The following PTK2 variants were observed in gnomAD, a reference collection of about 807,000 sequenced individuals.
PTK2 encodes the protein focal adhesion kinase 1.
Under a neutral mutation model 150.1 loss-of-function variants are expected in PTK2, and 45 were observed. The observed-to-expected ratio is 0.30, with a 90% confidence interval of 0.24 to 0.38. The LOEUF is 0.38. Among genes scored for constraint, PTK2 ranks in the 10% least tolerant of loss-of-function variants. The pLI, the probability that PTK2 is intolerant of heterozygous loss-of-function variation, is 1.00. For missense variants in PTK2, 919 were observed against 1,307.3 expected (o/e 0.70, Z 4.58); for synonymous variants, 432 against 449.2 (o/e 0.96, Z 0.48).
intron 21 of PTK2, 129 bp from the exon 25 acceptor site, chr8:140,735,584 G>A: frequency 2.7e-6 from 2 of 746,500 alleles, no homozygotes; most frequent in East Asian, 2.6e-5. Flanking sequence ...ATCTACCAAA[G>A]CAGCATTATA....
At chr8:140,799,789 T>A (rs961429056) in intron 12 of PTK2, among the ~76,000 whole-genome samples, 2 of 152,204 alleles carry the variant, frequency 1.3e-5, no homozygotes, top group African/African-American at 4.8e-5. Flanking sequence ...TTATAGATGG[T>A]GTCACAGAGG....
At chr8:140,695,612 T>C (rs1238678848) in intron 26 of PTK2, among the ~76,000 whole-genome samples, 1 of 152,094 alleles carries the variant, frequency 6.6e-6, no homozygotes, top group East Asian at 1.9e-4. Flanking sequence ...GGTTTGGCCA[T>C]GTTGGTCTTG....
At chr8:140,717,170 C>G (rs1247201566) in intron 23 of PTK2, among the ~76,000 whole-genome samples, 1 of 152,154 alleles carries the variant, frequency 6.6e-6, no homozygotes, top group Non-Finnish European at 1.5e-5. Context: ...GCAGAGTTCT[C>G]AACAAACAAA....
intron 7 of PTK2, among the ~76,000 whole-genome samples, chr8:140,837,096 T>C (rs145463258): frequency 2.1e-4 from 32 of 152,192 alleles, no homozygotes; most frequent in Admixed American, 3.9e-4. Flanking sequence ...CTTAAAACAT[T>C]TGACCTCCTT....
At chr8:140,854,596 TAC>T in intron 5 of PTK2, among the ~76,000 whole-genome samples, 1 of 152,162 alleles carries the variant, frequency 6.6e-6, no homozygotes, top group East Asian at 1.9e-4. Context: ...TAACAGTGAA[TAC>T]TGTTATAACA....
chr8:140,910,894 T>C (rs1158358661), intron 2 of PTK2, among the ~76,000 whole-genome samples: 1 of 152,164 alleles, frequency 6.6e-6, no homozygotes, highest in East Asian at 1.9e-4. Context: ...ATAGGTTTGT[T>C]TGACACAGGG....
intron 3 of PTK2, among the ~76,000 whole-genome samples, chr8:140,884,113 G>A (rs1196135971): frequency 1.3e-5 from 2 of 152,078 alleles, no homozygotes; most frequent in African/African-American, 2.4e-5. Context: ...AAGGTCTGTA[G>A]CCTTCATCAC....
chr8:140,992,385 G>A (rs2100196074), intron 1 of PTK2, among the ~76,000 whole-genome samples: 1 of 151,922 alleles, frequency 6.6e-6, no homozygotes, highest in Non-Finnish European at 1.5e-5. Context: ...CAGGAGAATT[G>A]CTTGAACCCT....
intron 16 of PTK2, among the ~76,000 whole-genome samples, chr8:140,760,924 A>T (rs2154546932): frequency 6.6e-6 from 1 of 152,320 alleles, no homozygotes; most frequent in Non-Finnish European, 1.5e-5. Context: ...ACTGTTACTG[A>T]TGACAAAGGC....
At chr8:140,924,425 T>C (rs899388927) in intron 2 of PTK2, among the ~76,000 whole-genome samples, 3 of 152,184 alleles carry the variant, frequency 2.0e-5, no homozygotes, top group Admixed American at 6.5e-5. Context: ...GCAAGCTCCG[T>C]GACAGAAGGA....
intron 1 of PTK2, among the ~76,000 whole-genome samples, chr8:140,944,745 C>G (rs367946585): frequency 7.2e-5 from 11 of 152,218 alleles, no homozygotes; most frequent in African/African-American, 1.4e-4. Flanking sequence ...AGCGCACCCA[C>G]TGAACATAAC....
At chr8:140,734,159 A>G (rs1196610265) in intron 22 of PTK2, among the ~76,000 whole-genome samples, 2 of 152,188 alleles carry the variant, frequency 1.3e-5, no homozygotes, top group African/African-American at 4.8e-5. Flanking sequence ...AAAGGCCTGG[A>G]CCCTGCAGTT....
Position 140,744,782 on chromosome 8 carries a change from ACC to A in PTK2, c.1519-17_1519-16del. 2 of 1,284,584 alleles carry A rather than the reference ACC, an allele frequency of 1.6e-6. No homozygotes were observed. Among genetic ancestry groups the A allele is most frequent in the Non-Finnish European group, 2.2e-6 (2 of 917,658 alleles). The allele number at this position is 1,284,584 out of a possible 1,614,324, so 79.6% of individuals were successfully genotyped here. A position where few individuals can be genotyped will look rare whatever the true frequency, so the allele number is the denominator to read the frequency against. ...AATGACCTCAGCTTTTGGAACAATG[ACC>A]AAAAGAAAAAAAAAAAAAAAAGAAT... On this transcript the variant is annotated splice_polypyrimidine_tract_variant and intron_variant, in intron 18 of 31. Transcript: ENST00000522684.
intron 14 of PTK2, 63 bp downstream of exon 16, chr8:140,769,512 C>A: frequency 8.8e-7 from 1 of 1,136,858 alleles, no homozygotes; most frequent in South Asian, 1.3e-5. Context: ...AAATACTAAA[C>A]TATATTTATT....
chr8:140,886,808 C>T (rs1243894246), intron 3 of PTK2, among the ~76,000 whole-genome samples: 3 of 152,182 alleles, frequency 2.0e-5, no homozygotes, highest in Non-Finnish European at 4.4e-5. Context: ...CTTCTTGCAT[C>T]CAGCATTGCT....
chr8:140,930,976 A>C (rs1186631752), intron 1 of PTK2, among the ~76,000 whole-genome samples: 5 of 151,450 alleles, frequency 3.3e-5, no homozygotes, highest in Non-Finnish European at 5.9e-5. Context: ...CAGGAGGCTG[A>C]GGCACAATTG....
intron 5 of PTK2, among the ~76,000 whole-genome samples, chr8:140,861,205 G>A (rs886864998): frequency 4.0e-5 from 6 of 151,866 alleles, no homozygotes; most frequent in African/African-American, 1.2e-4. Flanking sequence ...AAAAATTAGC[G>A]AGGCATCATG....
At chr8:140,941,139 A>G (rs1180043098) in intron 1 of PTK2, among the ~76,000 whole-genome samples, 1 of 152,224 alleles carries the variant, frequency 6.6e-6, no homozygotes, top group African/African-American at 2.4e-5. Context: ...CGGAACTGTC[A>G]CCAATTCTAA....
chr8:140,887,935 T>C (rs1183397015), intron 3 of PTK2, among the ~76,000 whole-genome samples: 3 of 152,198 alleles, frequency 2.0e-5, no homozygotes, highest in Non-Finnish European at 4.4e-5. Context: ...GCAACGTAGC[T>C]ATAATGAGTT....
Sources: allele counts gnomAD v4.1 joint callset (sites outside exome capture counted in the v4.1 genomes callset), GRCh38; gene constraint gnomAD v4.1.1; transcripts MANE v1.5; gene names NCBI Gene and HGNC (gene_info 2026-07-23, HGNC 2026-07-21).